Variants in CEACAM6 observed in about 807,000 individuals in gnomAD.
CEACAM6 encodes the protein CEA cell adhesion molecule 6.
Under a neutral mutation model 32.4 loss-of-function variants are expected in CEACAM6, and 21 were observed. The observed-to-expected ratio is 0.65, with a 90% CI of 0.46 to 0.93. CEACAM6 has a LOEUF of 0.93. CEACAM6 is among the 40% of genes least tolerant of loss of function. The pLI is 0.00. For synonymous variants in CEACAM6, 184 were observed against 174.4 expected (o/e 1.06, Z -0.43); for missense variants, 406 against 432.2 (o/e 0.94, Z 0.54).
chr19:41,770,349 G>A lies in CEACAM6; in HGVS notation c.*41-453G>A, dbSNP rs571909156. Among the ~76,000 whole-genome samples the A allele has an allele frequency of 1.6e-3, 245 of 152,190 alleles. 1 individual carries two copies. Among genetic ancestry groups the A allele is most frequent in the Middle Eastern group, 6.8e-3 (2 of 294 alleles). On this transcript the variant is annotated intron_variant, in intron 5 of 5. Transcript: ENST00000199764. Reference sequence around the variant, plus strand: ...GAGGCAGGAGAATCACTTAAACCTGGGAGGTAGAGGCTGCAGTGAGCTGCG... The same window carrying A: ...GAGGCAGGAGAATCACTTAAACCTGAGAGGTAGAGGCTGCAGTGAGCTGCG...
intron 4 of CEACAM6, 82 bp downstream of exon 4, chr19:41,762,305 T>A: frequency 6.5e-7 from 1 of 1,529,568 alleles, no homozygotes; most frequent in Non-Finnish European, 8.9e-7. Flanking sequence ...AAATTTTCTT[T>A]CCCAACCTGT....
chr19:41,762,157 A>T lies in CEACAM6; in HGVS notation c.892A>T (p.Met298Leu). The change falls in exon 4 of 6, where the codon ATG (methionine) becomes TTG (leucine). Residue 298 changes from methionine (M) to leucine (L), a missense_variant. By Grantham distance (15) the Met-to-Leu change is conservative. Coordinates refer to ENST00000199764, the MANE Select transcript of CEACAM6 (RefSeq NM_002483.7). ...CACTGTGAATAATAGCGGATCCTAT[A>T]TGTGCCAAGCCCATAACTCAGCCAC... ...NITVNNSGSY[M>L]CQAHNSATGL... The T allele has an allele frequency of 6.2e-7, 1 of 1,614,166 alleles. No individual in the cohort carries two copies. Among genetic ancestry groups the T allele is most frequent in the African/African-American group, 1.3e-5 (1 of 75,046 alleles).
At position 41,757,010 on chromosome 19, in the gene CEACAM6, A is replaced by G. The variant is rs782209677; in HGVS notation, c.424+51A>G. On this transcript the variant is annotated intron_variant, in intron 2 of 5. Coordinates refer to ENST00000199764, the MANE Select transcript of CEACAM6 (RefSeq NM_002483.7). ...GTGTTGGGGGTCAGTTCTACTTCCCACATACGGGATTGTCAGGCCTGGGTT... is the reference window on the plus strand; with the variant it reads ...GTGTTGGGGGTCAGTTCTACTTCCCGCATACGGGATTGTCAGGCCTGGGTT... 8.3e-6 allele frequency: 13 copies of G among 1,557,882 alleles called. No individual in the cohort carries two copies. In the East Asian group the frequency reaches 1.3e-4, roughly 16 times the overall value.
chr19:41,768,071 A>T (rs1005604933), intron 5 of CEACAM6, among the ~76,000 whole-genome samples: 8 of 151,852 alleles, frequency 5.3e-5, no homozygotes, highest in South Asian at 2.1e-4. Flanking sequence ...TTCTTTTTTT[A>T]TTTTTATTTT....
chr19:41,767,807 T>C (rs782215037), intron 5 of CEACAM6, among the ~76,000 whole-genome samples: 6 of 152,162 alleles, frequency 3.9e-5, no homozygotes, highest in Non-Finnish European at 8.8e-5. Context: ...AATTCATTAA[T>C]GGGCTCCACC....
Position 41,756,641 on chromosome 19 carries a change from C to A in CEACAM6, c.106C>A (p.Leu36Ile). ...TFWNPPTTAK[L>I]TIESTPFNVA... ...CTGGAACCCACCCACCACTGCCAAGCTCACTATTGAATCCACGCCGTTCAA... is the reference window on the plus strand; with the variant it reads ...CTGGAACCCACCCACCACTGCCAAGATCACTATTGAATCCACGCCGTTCAA... Residue 36 changes from leucine (L) to isoleucine (I), a missense_variant, in exon 2 of 6, where the codon CTC becomes ATC. By Grantham distance (5) the Leu-to-Ile change is conservative. Coordinates refer to ENST00000199764, the MANE Select transcript of CEACAM6 (RefSeq NM_002483.7). The A allele has an allele frequency of 6.2e-7, 1 of 1,614,098 alleles. No individual in the cohort carries two copies. The highest frequency in any genetic ancestry group is 8.5e-7 in the Non-Finnish European group (1 of 1,180,014).
intron 3 of CEACAM6, 61 bp downstream of exon 3, chr19:41,761,588 C>A (rs1282449126): frequency 1.3e-6 from 2 of 1,597,118 alleles, no homozygotes; most frequent in South Asian, 2.3e-5. Context: ...CAGCCAGAGT[C>A]CAGGTCTCTC....
At chr19:41,764,446 C>A (rs2072945138) in intron 4 of CEACAM6, among the ~76,000 whole-genome samples, 1 of 151,858 alleles carries the variant, frequency 6.6e-6, no homozygotes, top group Admixed American at 6.6e-5. Context: ...GCCATCATGC[C>A]TGGCTAGTTT....
At chr19:41,764,716 T>G (rs1223438909) in intron 4 of CEACAM6, among the ~76,000 whole-genome samples, 5 of 152,248 alleles carry the variant, frequency 3.3e-5, no homozygotes, top group African/African-American at 4.8e-5. Flanking sequence ...CTTTATTGTT[T>G]TTATAGCCTC....
At chr19:41,760,367 G>T (rs2072915161) in intron 2 of CEACAM6, among the ~76,000 whole-genome samples, 1 of 152,178 alleles carries the variant, frequency 6.6e-6, no homozygotes, top group Non-Finnish European at 1.5e-5. Context: ...AAACACACAT[G>T]GTCCTTGAGA....
At chr19:41,764,005 G>C (rs2072942956) in intron 4 of CEACAM6, among the ~76,000 whole-genome samples, 1 of 152,152 alleles carries the variant, frequency 6.6e-6, no homozygotes, top group Admixed American at 6.5e-5. Flanking sequence ...TCTTGCTCCT[G>C]GTCTTACAGG....
chr19:41,769,592 A>T (rs2072979721), intron 5 of CEACAM6, among the ~76,000 whole-genome samples: 1 of 151,782 alleles, frequency 6.6e-6, no homozygotes, highest in African/African-American at 2.4e-5. Flanking sequence ...AGCTATCTAG[A>T]GCTTCAACAA....
At chr19:41,756,155 C>T (rs534127024) in intron 1 of CEACAM6, among the ~76,000 whole-genome samples, 138 of 152,236 alleles carry the variant, frequency 9.1e-4, no homozygotes, top group Non-Finnish European at 1.5e-3. Context: ...CATCACAGAG[C>T]TTATGCTGTC....
At chr19:41,761,876 A>G in intron 3 of CEACAM6, 93 bp from the exon 4 acceptor site, 1 of 1,484,628 alleles carries the variant, frequency 6.7e-7, no homozygotes, top group South Asian at 1.3e-5. Context: ...GGGTTGTGAC[A>G]TGGCTCAGGG....
chr19:41,767,945 G>T (rs1376837460), intron 5 of CEACAM6, among the ~76,000 whole-genome samples: 3 of 152,104 alleles, frequency 2.0e-5, no homozygotes, highest in Non-Finnish European at 4.4e-5. Context: ...TTATATTTAT[G>T]GTTATGTTAT....
chr19:41,758,324 C>A (rs1054545313), intron 2 of CEACAM6, among the ~76,000 whole-genome samples: 1 of 152,112 alleles, frequency 6.6e-6, no homozygotes, highest in Admixed American at 6.5e-5. Flanking sequence ...AAGTGAGACA[C>A]ACGCTCGCTC....
intron 2 of CEACAM6, among the ~76,000 whole-genome samples, chr19:41,758,309 G>A (rs183011423): frequency 3.9e-5 from 6 of 152,166 alleles, no homozygotes; most frequent in African/African-American, 1.4e-4. Context: ...ACCAGCACAG[G>A]CCCAAAGTGA....
intron 5 of CEACAM6, among the ~76,000 whole-genome samples, chr19:41,766,857 T>C (rs1347582080): frequency 2.6e-5 from 4 of 151,754 alleles, no homozygotes; most frequent in Admixed American, 2.0e-4. Flanking sequence ...ATACAAAAAA[T>C]TATTCAGGCA....
intron 5 of CEACAM6, among the ~76,000 whole-genome samples, chr19:41,767,736 G>A (rs2072964796): frequency 6.6e-6 from 1 of 152,114 alleles, no homozygotes; most frequent in African/African-American, 2.4e-5. Flanking sequence ...TTTTTAGCTA[G>A]GAGGATTAGA....
Sources: gnomAD v4.1 joint callset for allele counts (sites outside exome capture counted in the v4.1 genomes callset) on GRCh38, gnomAD v4.1.1 for gene constraint, MANE v1.5 for transcripts, NCBI Gene and HGNC (gene_info 2026-07-23, HGNC 2026-07-21) for gene names.